The following PDE4D variants were observed in gnomAD, a reference collection of about 807,000 sequenced individuals.
PDE4D encodes 3',5'-cyclic-AMP phosphodiesterase 4D.
PDE4D carries 24 observed loss-of-function variants against 87.4 expected under a neutral mutation model. The ratio of observed to expected loss-of-function variants is 0.27; its 90% CI spans 0.20 to 0.39. PDE4D has a LOEUF of 0.39. Ranked by LOEUF, PDE4D falls within the 10% of genes least tolerant of loss-of-function variation. PDE4D has a pLI of 1.00. For synonymous variants in PDE4D, 384 were observed against 383.2 expected (o/e 1.00, Z -0.02); for missense variants, 714 against 1,041.0 (o/e 0.69, Z 4.32).
intron 2 of PDE4D, among the ~76,000 whole-genome samples, chr5:60,007,650 G>A (rs114018891): frequency 0.014 from 2,068 of 151,944 alleles, 55 homozygotes; most frequent in African/African-American, 0.047. Context: ...TGTCTGATAG[G>A]CTTTCAGGGT....
chr5:59,448,730 TC>T (rs1200993585), intron 1 of PDE4D, among the ~76,000 whole-genome samples: 1 of 152,166 alleles, frequency 6.6e-6, no homozygotes, highest in African/African-American at 2.4e-5. Context: ...ACTTCAGGAC[TC>T]ACACGATCCT....
At chr5:59,579,247 G>C (rs1438765696) in intron 1 of PDE4D, among the ~76,000 whole-genome samples, 1 of 152,078 alleles carries the variant, frequency 6.6e-6, no homozygotes, top group Non-Finnish European at 1.5e-5. Context: ...TTCTGTGGCT[G>C]TTCTCCAGAC....
At chr5:60,503,942 C>T (rs1340274050) in intron 1 of PDE4D, among the ~76,000 whole-genome samples, 1 of 152,078 alleles carries the variant, frequency 6.6e-6, no homozygotes, top group Non-Finnish European at 1.5e-5. Flanking sequence ...AATGACAAGT[C>T]ACATGATAAG....
At chr5:60,205,379 C>A (rs986698275) in intron 1 of PDE4D, among the ~76,000 whole-genome samples, 4 of 152,188 alleles carry the variant, frequency 2.6e-5, no homozygotes, top group African/African-American at 9.7e-5. Flanking sequence ...GGCAAAACAT[C>A]CTTTTGTCTC....
chr5:60,049,613 G>A (rs1301474014), intron 2 of PDE4D, among the ~76,000 whole-genome samples: 1 of 152,168 alleles, frequency 6.6e-6, no homozygotes, highest in Non-Finnish European at 1.5e-5. Flanking sequence ...AGGTCTGTTG[G>A]AGTACCCAGC....
chr5:59,488,421 T>A (rs1805558274), intron 1 of PDE4D, among the ~76,000 whole-genome samples: 1 of 152,170 alleles, frequency 6.6e-6, no homozygotes, highest in Non-Finnish European at 1.5e-5. Flanking sequence ...CAGAAATTAG[T>A]TTGGAGTAGA....
intron 1 of PDE4D, among the ~76,000 whole-genome samples, chr5:59,559,819 A>G (rs1041507455): frequency 2.0e-5 from 3 of 152,230 alleles, no homozygotes; most frequent in Non-Finnish European, 4.4e-5. Context: ...CGACATCATC[A>G]AGGATCAATC....
intron 1 of PDE4D, among the ~76,000 whole-genome samples, chr5:59,827,362 GT>G (rs1770447893): frequency 6.6e-6 from 1 of 152,090 alleles, no homozygotes; most frequent in East Asian, 1.9e-4. Context: ...GAAGTATTCT[GT>G]TGCAGTAGCC....
At chr5:60,308,731 T>C (rs1249911052) in intron 1 of PDE4D, among the ~76,000 whole-genome samples, 1 of 152,178 alleles carries the variant, frequency 6.6e-6, no homozygotes, top group Non-Finnish European at 1.5e-5. Context: ...ATTGCATCTG[T>C]AGTTTTCACA....
At chr5:59,056,988 C>A (rs148596373) in intron 5 of PDE4D, among the ~76,000 whole-genome samples, 310 of 152,288 alleles carry the variant, frequency 2.0e-3, no homozygotes, top group African/African-American at 7.0e-3. Context: ...TCTTTCTCCT[C>A]TCCATGAACT....
chr5:58,980,177 G>A (rs1744772387), intron 11 of PDE4D, among the ~76,000 whole-genome samples: 1 of 152,132 alleles, frequency 6.6e-6, no homozygotes, highest in Non-Finnish European at 1.5e-5. Flanking sequence ...GGATAGGCTG[G>A]GGGATAGAAA....
intron 5 of PDE4D, among the ~76,000 whole-genome samples, chr5:59,104,297 T>G (rs1021266110): frequency 6.6e-6 from 1 of 152,218 alleles, no homozygotes; most frequent in Admixed American, 6.5e-5. Context: ...GTATTATCTA[T>G]CTTTTACACA....
intron 5 of PDE4D, among the ~76,000 whole-genome samples, chr5:59,142,441 A>G (rs904743161): frequency 1.3e-5 from 2 of 152,230 alleles, no homozygotes; most frequent in Non-Finnish European, 2.9e-5. Context: ...TCCCATCTCA[A>G]AGCAAACTTT....
At chr5:59,344,674 T>C (rs375138560) in intron 1 of PDE4D, among the ~76,000 whole-genome samples, 1 of 152,180 alleles carries the variant, frequency 6.6e-6, no homozygotes, top group African/African-American at 2.4e-5. Flanking sequence ...ACTAGGATTA[T>C]AGGGTAAACC....
chr5:60,092,632 T>TA lies in PDE4D; in HGVS notation c.42+92924dup, dbSNP rs58114633. ...GAATAAAGTTAGGACTTCTGCACGCTAAAAAAAAAAAACACTCTGAACACT... is the reference window on the plus strand; with the variant it reads ...GAATAAAGTTAGGACTTCTGCACGCTAAAAAAAAAAAAACACTCTGAACACT... On this transcript the variant is annotated intron_variant, in intron 2 of 16. Coordinates refer to the PDE4D transcript ENST00000502484. Among the ~76,000 whole-genome samples the TA allele has an allele frequency of 4.3e-3, 609 of 141,248 alleles. 3 individuals carry two copies. Among genetic ancestry groups the TA allele is most frequent in the African/African-American group, 9.8e-3 (384 of 39,054 alleles). 92.7% of individuals were successfully genotyped at this position (141,248 alleles called of 152,430 possible). A position where few individuals can be genotyped will look rare whatever the true frequency, so the allele number is the denominator to read the frequency against.
At chr5:59,435,244 A>G (rs752921822) in intron 1 of PDE4D, among the ~76,000 whole-genome samples, 1 of 152,194 alleles carries the variant, frequency 6.6e-6, no homozygotes, top group Non-Finnish European at 1.5e-5. Flanking sequence ...ATGCAAGGAC[A>G]TGAACATGTG....
chr5:60,464,964 C>A (rs1025861363), intron 1 of PDE4D, among the ~76,000 whole-genome samples: 12 of 151,910 alleles, frequency 7.9e-5, no homozygotes, highest in Admixed American at 7.2e-4. Context: ...TTTTCATTAG[C>A]TAGGCATGGT....
chr5:60,379,836 C>G (rs536690499), intron 1 of PDE4D, among the ~76,000 whole-genome samples: 3 of 152,152 alleles, frequency 2.0e-5, no homozygotes, highest in Non-Finnish European at 4.4e-5. Flanking sequence ...CTTGGCCTGA[C>G]GTCTCACTGT....
intron 1 of PDE4D, among the ~76,000 whole-genome samples, chr5:59,818,830 C>T (rs1327182061): frequency 6.6e-6 from 1 of 150,888 alleles, no homozygotes. Context: ...GAAGAATTTT[C>T]CTCTAGTTTC....
Sources: allele counts gnomAD v4.1 joint callset (sites outside exome capture counted in the v4.1 genomes callset), GRCh38; gene constraint gnomAD v4.1.1; transcripts MANE v1.5; gene names NCBI Gene and HGNC (gene_info 2026-07-23, HGNC 2026-07-21).